The following SRPK2 variants were observed in gnomAD, a reference collection of about 807,000 sequenced individuals.
SRPK2 encodes SFRS protein kinase 2.
A neutral mutation model predicts 90.8 loss-of-function variants in SRPK2; 21 were observed. That is an observed-to-expected ratio of 0.23 (90% CI 0.16 to 0.33). SRPK2 has a LOEUF of 0.33. SRPK2 is among the 10% of genes least tolerant of loss of function. The pLI, the probability that SRPK2 is intolerant of heterozygous loss-of-function variation, is 1.00. For missense variants in SRPK2, 620 were observed against 869.0 expected (o/e 0.71, Z 3.60); for synonymous variants, 288 against 311.1 (o/e 0.93, Z 0.78).
chr7:105,285,135 C>A (rs879484451), intron 2 of SRPK2, among the ~76,000 whole-genome samples: 1 of 152,030 alleles, frequency 6.6e-6, no homozygotes, highest in South Asian at 2.1e-4. Flanking sequence ...CCTGTAATCC[C>A]AGCACTTTGG....
chr7:105,353,503 T>TTTGTTGTTGTTGTTGTTG (rs34789062), intron 2 of SRPK2, among the ~76,000 whole-genome samples: 3 of 146,194 alleles, frequency 2.1e-5, no homozygotes, highest in South Asian at 2.2e-4. Flanking sequence ...TCCAGCCCAG[T>TTTGTTGTTGTTGTTGTTG]TTGTTGTTGT....
At chr7:105,364,188 AAAT>A (rs1345103894) in intron 2 of SRPK2, among the ~76,000 whole-genome samples, 19 of 152,306 alleles carry the variant, frequency 1.2e-4, no homozygotes, top group Non-Finnish European at 2.6e-4. Flanking sequence ...TATAATTAAA[AAAT>A]AATAAAATAA....
chr7:105,243,062 G>T (rs929524894), intron 2 of SRPK2, among the ~76,000 whole-genome samples: 1 of 151,912 alleles, frequency 6.6e-6, no homozygotes, highest in Admixed American at 6.6e-5. Flanking sequence ...ACTCAGGCTG[G>T]GGTACACTAA....
chr7:105,229,463 C>CAA (rs35192630), intron 2 of SRPK2, among the ~76,000 whole-genome samples: 4 of 142,494 alleles, frequency 2.8e-5, no homozygotes, highest in East Asian at 2.0e-4. Flanking sequence ...GACTCCGTCT[C>CAA]AAAAAAAAAA....
intron 2 of SRPK2, among the ~76,000 whole-genome samples, chr7:105,312,434 C>CGTCAAA (rs1811812028): frequency 9.9e-3 from 2 of 202 alleles, no homozygotes; most frequent in South Asian, 0.17. Flanking sequence ...AGTGAGACTC[C>CGTCAAA]GTCAAAAAAA....
intron 3 of SRPK2, among the ~76,000 whole-genome samples, chr7:105,186,918 GT>G (rs949473556): frequency 5.9e-5 from 9 of 152,106 alleles, no homozygotes; most frequent in Admixed American, 6.6e-5. Context: ...TGTCCTAGTT[GT>G]TTATCTTTCT....
intron 2 of SRPK2, among the ~76,000 whole-genome samples, chr7:105,264,901 A>T (rs1025184415): frequency 2.6e-5 from 4 of 152,186 alleles, no homozygotes; most frequent in African/African-American, 9.7e-5. Flanking sequence ...TTACCTAGGC[A>T]GACTGGGAAT....
At chr7:105,344,148 C>T (rs1206047749) in intron 2 of SRPK2, among the ~76,000 whole-genome samples, 2 of 152,120 alleles carry the variant, frequency 1.3e-5, no homozygotes, top group African/African-American at 4.8e-5. Context: ...AATGGTGAAC[C>T]TTACAAAACC....
At chr7:105,194,628 T>C (rs991119520) in intron 3 of SRPK2, among the ~76,000 whole-genome samples, 4 of 152,172 alleles carry the variant, frequency 2.6e-5, no homozygotes, top group Non-Finnish European at 5.9e-5. Context: ...CACAATACCA[T>C]GTTAATGGGT....
At chr7:105,330,824 A>T (rs1057048162) in intron 2 of SRPK2, among the ~76,000 whole-genome samples, 34 of 152,240 alleles carry the variant, frequency 2.2e-4, no homozygotes, top group African/African-American at 7.9e-4. Flanking sequence ...CTATTTAAAA[A>T]AAAAAGAAAA....
chr7:105,208,243 A>G (rs549348027), intron 2 of SRPK2, among the ~76,000 whole-genome samples: 18 of 152,310 alleles, frequency 1.2e-4, no homozygotes, highest in African/African-American at 4.1e-4. Context: ...CAGTTCCTCA[A>G]AAGTTTAAAC....
At chr7:105,332,264 T>A (rs889954645) in intron 2 of SRPK2, among the ~76,000 whole-genome samples, 4 of 152,106 alleles carry the variant, frequency 2.6e-5, no homozygotes, top group African/African-American at 9.7e-5. Context: ...AACAAGTACA[T>A]ATATACAATC....
intron 2 of SRPK2, among the ~76,000 whole-genome samples, chr7:105,313,845 AG>A (rs1055640296): frequency 6.6e-6 from 1 of 152,196 alleles, no homozygotes; most frequent in African/African-American, 2.4e-5. Flanking sequence ...TTATTTAAAA[AG>A]AAAAAGAAAA....
chr7:105,262,796 A>G (rs927228559), intron 2 of SRPK2, among the ~76,000 whole-genome samples: 9 of 152,154 alleles, frequency 5.9e-5, no homozygotes, highest in Non-Finnish European at 1.3e-4. Context: ...TGGTAGAGCC[A>G]CCAGAATGCT....
intron 2 of SRPK2, among the ~76,000 whole-genome samples, chr7:105,386,927 G>C (rs1821684978): frequency 6.6e-6 from 1 of 152,126 alleles, no homozygotes; most frequent in African/African-American, 2.4e-5. Flanking sequence ...TAATCTGTGA[G>C]AGGAAAAGCT....
At chr7:105,306,953 G>T (rs1163208195) in intron 2 of SRPK2, among the ~76,000 whole-genome samples, 1 of 152,162 alleles carries the variant, frequency 6.6e-6, no homozygotes, top group African/African-American at 2.4e-5. Context: ...CTCTAGTTCT[G>T]AATAGAGAAT....
intron 3 of SRPK2, among the ~76,000 whole-genome samples, chr7:105,192,142 T>C (rs927715415): frequency 2.6e-5 from 4 of 151,964 alleles, no homozygotes; most frequent in African/African-American, 9.7e-5. Flanking sequence ...TTGTGAGATT[T>C]TGGTGCACCC....
chr7:105,197,005 G>A lies in SRPK2; in HGVS notation c.229+6623C>T, dbSNP rs977099010. 1.7e-4 allele frequency among the ~76,000 whole-genome samples: 26 copies of A among 152,096 alleles called. No individual in the cohort carries two copies. In the East Asian group the frequency reaches 3.7e-3, roughly 22 times the overall value. ...GTAGAGGCAGTGAGTGGAGATTGCA[G>A]CATTGCACTCCAGCCTGGGTGACAA... On this transcript the variant is annotated intron_variant, in intron 3 of 15. Coordinates refer to ENST00000393651, the MANE Select transcript of SRPK2 (RefSeq NM_182692.3).
rs572930883 is a variant in SRPK2 at position 105,364,405 on chromosome 7, G to GAGTTTTTTTTTTTT, written c.71+24242_71+24243insAAAAAAAAAAAACT. The stretch of plus-strand genomic sequence containing the variant: ...CTTTCCATAGCATACCGTGTGTAAC[G>GAGTTTTTTTTTTTT]TTTTTTTTTTTTTGAGAAGGAGTCT... On this transcript the variant is annotated intron_variant, in intron 2 of 15. Coordinates refer to ENST00000393651, the MANE Select transcript of SRPK2 (RefSeq NM_182692.3). 4.5e-5 allele frequency among the ~76,000 whole-genome samples: 6 copies of GAGTTTTTTTTTTTT among 133,924 alleles called. No individual in the cohort carries two copies. The East Asian group carries it at 8.4e-4, about 19-fold the overall frequency. 87.9% of individuals were successfully genotyped at this position (133,924 alleles called of 152,430 possible).
Sources: allele counts gnomAD v4.1 joint callset (sites outside exome capture counted in the v4.1 genomes callset), GRCh38; gene constraint gnomAD v4.1.1; transcripts MANE v1.5; gene names NCBI Gene and HGNC (gene_info 2026-07-23, HGNC 2026-07-21).